Variants in NEK1 observed in about 807,000 individuals in gnomAD.
NEK1 encodes the protein serine/threonine-protein kinase Nek1.
Under a neutral mutation model 182.1 loss-of-function variants are expected in NEK1, and 137 were observed. That is an observed-to-expected ratio of 0.75 (90% confidence interval 0.65 to 0.87). The LOEUF (loss-of-function observed/expected upper bound fraction) is 0.87. Among genes scored for constraint, NEK1 ranks in the 40% least tolerant of loss-of-function variants. The pLI is 0.00. For synonymous variants in NEK1, 513 were observed against 492.2 expected (o/e 1.04, Z -0.56); for missense variants, 1,391 against 1,494.4 (o/e 0.93, Z 1.14).
intron 23 of NEK1, among the ~76,000 whole-genome samples, chr4:169,494,803 G>GA (rs1750844988): frequency 6.6e-6 from 1 of 152,214 alleles, no homozygotes; most frequent in Non-Finnish European, 1.5e-5. Flanking sequence ...ACTGGTGTGA[G>GA]ATGGTATCTC....
At chr4:169,410,352 CAT>C (rs1375439100) in intron 31 of NEK1, among the ~76,000 whole-genome samples, 2 of 151,900 alleles carry the variant, frequency 1.3e-5, no homozygotes, top group Non-Finnish European at 2.9e-5. Flanking sequence ...TGTAGAGAAA[CAT>C]ATAACATAGT....
At position 169,541,555 on chromosome 4, in the gene NEK1, T is replaced by A. The variant is rs186157354; in HGVS notation, c.1563-3644A>T. On this transcript the variant is annotated intron_variant, in intron 18 of 35. Coordinates refer to ENST00000507142, the MANE Select transcript of NEK1 (RefSeq NM_001199397.3). ...GAAGAAAAGAGAATCTGAAAGAGTCTTAGATGCCTACAGATTTCAGTTTGC... is the reference window on the plus strand; with the variant it reads ...GAAGAAAAGAGAATCTGAAAGAGTCATAGATGCCTACAGATTTCAGTTTGC... 1.1e-3 allele frequency among the ~76,000 whole-genome samples: 172 copies of A among 152,236 alleles called. 3 individuals carry two copies. Among genetic ancestry groups the A allele is most frequent in the Admixed American group, 5.3e-3 (81 of 15,268 alleles).
intron 27 of NEK1, among the ~76,000 whole-genome samples, chr4:169,441,500 C>G (rs573289768): frequency 5.3e-5 from 8 of 152,294 alleles, no homozygotes; most frequent in African/African-American, 1.9e-4. Context: ...GGCCCTCCTG[C>G]CTACCACCAC....
chr4:169,467,171 A>G (rs1289421596), intron 26 of NEK1, among the ~76,000 whole-genome samples: 1 of 152,144 alleles, frequency 6.6e-6, no homozygotes, highest in African/African-American at 2.4e-5. Flanking sequence ...TATAATACGT[A>G]TAACATGTAA....
chr4:169,432,611 G>T (rs1737642656), intron 29 of NEK1, among the ~76,000 whole-genome samples: 1 of 152,066 alleles, frequency 6.6e-6, no homozygotes, highest in South Asian at 2.1e-4. Context: ...AAACAAGGTG[G>T]AAAAATCTGT....
At chr4:169,448,738 T>C (rs544916397) in intron 27 of NEK1, among the ~76,000 whole-genome samples, 1 of 152,150 alleles carries the variant, frequency 6.6e-6, no homozygotes, top group Non-Finnish European at 1.5e-5. Context: ...CCAGCGTGCT[T>C]GATGGAGAAG....
chr4:169,491,372 T>A (rs942349874), intron 23 of NEK1, among the ~76,000 whole-genome samples: 1 of 151,908 alleles, frequency 6.6e-6, no homozygotes, highest in Admixed American at 6.6e-5. Context: ...GAGAAGAGCA[T>A]CAAGCAACAT....
chr4:169,406,906 AAT>A (rs995754807), intron 31 of NEK1, among the ~76,000 whole-genome samples, 159 bp from the exon 32 acceptor site: 5 of 150,810 alleles, frequency 3.3e-5, no homozygotes, highest in African/African-American at 4.8e-5. Flanking sequence ...ACATATAAAA[AAT>A]ATATATATAT....
chr4:169,424,468 A>G, intron 31 of NEK1, 85 bp downstream of exon 31: 1 of 1,419,604 alleles, frequency 7.0e-7, no homozygotes, highest in Non-Finnish European at 9.3e-7. Flanking sequence ...TAAGAGATTA[A>G]AACTCAATAT....
intron 18 of NEK1, among the ~76,000 whole-genome samples, chr4:169,543,956 C>T (rs1759912740): frequency 1.3e-5 from 2 of 152,286 alleles, no homozygotes; most frequent in African/African-American, 4.8e-5. Flanking sequence ...TCCTCTTTTC[C>T]TATTGGAATA....
At chr4:169,465,505 C>G (rs1744759840) in intron 26 of NEK1, among the ~76,000 whole-genome samples, 2 of 151,922 alleles carry the variant, frequency 1.3e-5, no homozygotes, top group South Asian at 4.2e-4. Context: ...TTGTAAAAAG[C>G]CCCTTTGAGT....
intron 23 of NEK1, among the ~76,000 whole-genome samples, chr4:169,493,246 T>C (rs577277924): frequency 6.6e-5 from 10 of 152,168 alleles, no homozygotes; most frequent in African/African-American, 1.9e-4. Context: ...CAATCGAGCA[T>C]ACACAACATA....
In NEK1 at chr4:169,562,332, T is replaced by TA. The variant is rs11381394; in HGVS notation, c.1021-137dup. 0.23 allele frequency: 106,719 copies of TA among 457,396 alleles called. 9,983 individuals carry two copies. Among genetic ancestry groups the TA allele is most frequent in the African/African-American group, 0.56 (26,634 of 47,730 alleles). The allele number at this position is 457,396 out of a possible 1,614,324, so 28.3% of individuals were successfully genotyped here. A position where few individuals can be genotyped will look rare whatever the true frequency, so the allele number is the denominator to read the frequency against. On this transcript the variant is annotated intron_variant, in intron 12 of 35. Coordinates refer to ENST00000507142, the MANE Select transcript of NEK1 (RefSeq NM_001199397.3). ...AACTCTCTTCCAAATTACATTATCT[T>TA]AAAAAAAAAAATCGTAGTCTTTGAT... is the stretch of plus-strand genomic sequence containing the variant.
intron 26 of NEK1, among the ~76,000 whole-genome samples, chr4:169,466,601 T>G (rs116410824): frequency 6.6e-6 from 1 of 152,006 alleles, no homozygotes; most frequent in South Asian, 2.1e-4. Flanking sequence ...AAAATAAAAA[T>G]AAAAACTTTT....
chr4:169,498,834 A>G (rs966551070), intron 23 of NEK1, among the ~76,000 whole-genome samples: 2 of 152,118 alleles, frequency 1.3e-5, no homozygotes, highest in East Asian at 3.9e-4. Flanking sequence ...GGCTGCCCTT[A>G]ACATTTTTTC....
At chr4:169,504,917 TGATA>T (rs1297785718) in intron 23 of NEK1, among the ~76,000 whole-genome samples, 1 of 152,118 alleles carries the variant, frequency 6.6e-6, no homozygotes, top group African/African-American at 2.4e-5. Flanking sequence ...ATGCATGAGG[TGATA>T]GATACCCATT....
intron 33 of NEK1, among the ~76,000 whole-genome samples, chr4:169,400,989 T>C (rs975554748): frequency 6.6e-6 from 1 of 151,606 alleles, no homozygotes; most frequent in African/African-American, 2.4e-5. Context: ...AACTAGTATT[T>C]TCAAAAGTTG....
rs1409444766 is a variant in NEK1 at position 169,433,658 on chromosome 4, A to C, written c.2772T>G (p.Asp924Glu). The C allele has an allele frequency of 6.2e-7, 1 of 1,613,306 alleles. No individual in the cohort carries two copies. Among genetic ancestry groups the C allele is most frequent in the African/African-American group, 1.3e-5 (1 of 74,918 alleles). The change falls in exon 29 of 36, where the codon GAT becomes GAG. Residue 924 changes from aspartate to glutamate, a missense_variant. Around this residue, in one of 5 missense-constraint regions of NEK1, gnomAD observed 1,216 missense variants for 1,277.6 expected, o/e 0.95. Transcript: ENST00000507142. ...LKLEGNLEEP[D>E]DLETEILQEP... is the part of the protein sequence containing the mutation. ...CTTGTAGAATTTCTGTTTCCAAATC[A>C]TCAGGTTCTGCAAAGGATAAACGTA...
chr4:169,457,649 C>T (rs757037876), intron 27 of NEK1, among the ~76,000 whole-genome samples: 96 of 119,626 alleles, frequency 8.0e-4, no homozygotes, highest in Middle Eastern at 4.8e-3. Flanking sequence ...AGAGAAAGTG[C>T]GGGGCAGGGG....
Sources: allele counts gnomAD v4.1 joint callset (sites outside exome capture counted in the v4.1 genomes callset), GRCh38; gene constraint gnomAD v4.1.1; regional missense constraint gnomAD v4.1.1; transcripts MANE v1.5; gene names NCBI Gene and HGNC (gene_info 2026-07-23, HGNC 2026-07-21).